Variants in NRXN2 observed in about 807,000 individuals in gnomAD.
The protein encoded by NRXN2 is neurexin 2.
A neutral mutation model predicts 128.8 loss-of-function variants in NRXN2; 29 were observed. That is an observed-to-expected ratio of 0.23 (90% confidence interval 0.17 to 0.31). The LOEUF is 0.31. Among genes scored for constraint, NRXN2 ranks in the 10% least tolerant of loss-of-function variants. The pLI is 1.00. For missense variants in NRXN2, 1,881 were observed against 2,452.6 expected, an observed-to-expected ratio of 0.77 and a Z score of 4.92; for synonymous variants, 1,098 against 1,075.2, an observed-to-expected ratio of 1.02 and a Z score of -0.41.
chr11:64,708,863 C>G (rs1158046786), intron 2 of NRXN2, among the ~76,000 whole-genome samples: 1 of 152,034 alleles, frequency 6.6e-6, no homozygotes, highest in Admixed American at 6.6e-5. Flanking sequence ...AAAATAATAA[C>G]TGGAAGGGGT....
intron 5 of NRXN2, among the ~76,000 whole-genome samples, chr11:64,690,178 T>C (rs777560140): frequency 7.9e-5 from 12 of 152,200 alleles, no homozygotes; most frequent in Non-Finnish European, 1.6e-4. Flanking sequence ...AAAGAAGTCA[T>C]CAGAACAACT....
chr11:64,688,608 T>A (rs1423274348), intron 5 of NRXN2: 1 of 985,404 alleles, frequency 1.0e-6, no homozygotes. Flanking sequence ...CTGGCGCGAC[T>A]GGGAACTACA....
At chr11:64,690,384 G>C (rs778741995) in intron 5 of NRXN2, 21 bp downstream of exon 5, 1 of 1,607,720 alleles carries the variant, frequency 6.2e-7, no homozygotes, top group Admixed American at 1.7e-5. Context: ...GGGCTCTCTG[G>C]GGACCATGGG....
intron 3 of NRXN2, among the ~76,000 whole-genome samples, chr11:64,697,568 G>T (rs962103933): frequency 5.9e-5 from 9 of 152,108 alleles, no homozygotes; most frequent in African/African-American, 1.9e-4. Context: ...GAAGAAGAAA[G>T]GCCAGTCAGC....
chr11:64,706,015 C>G (rs1213409310), intron 2 of NRXN2, among the ~76,000 whole-genome samples: 2 of 125,980 alleles, frequency 1.6e-5, no homozygotes, highest in Non-Finnish European at 3.2e-5. Flanking sequence ...CACTACATAA[C>G]TCTATAATCC....
At chr11:64,671,563 G>T (rs866283330) in intron 7 of NRXN2, among the ~76,000 whole-genome samples, 2 of 152,102 alleles carry the variant, frequency 1.3e-5, no homozygotes, top group African/African-American at 4.8e-5. Context: ...GGGGCCGTGC[G>T]ACACAGAACA....
chr11:64,651,204 CA>C lies in NRXN2; in HGVS notation c.2918+50del, dbSNP rs1372223085. ...GCCAGGAGAGCTGTATGTGGTTCAG[CA>C]GGGGGAGGGGGCCACCTCCTTGACA... On this transcript the variant is annotated intron_variant, in intron 14 of 22. Transcript: ENST00000265459. The surrounding 1 kb of genome is among the most constrained non-coding windows in gnomAD (Gnocchi z 5.9). 2.0e-5 allele frequency: 32 copies of C among 1,611,014 alleles called. No individual in the cohort carries two copies. In the Admixed American group the frequency reaches 5.3e-4, roughly 27 times the overall value.
At chr11:64,689,778 T>C (rs80169728) in intron 5 of NRXN2, among the ~76,000 whole-genome samples, 22 of 152,142 alleles carry the variant, frequency 1.4e-4, no homozygotes, top group African/African-American at 2.6e-4. Flanking sequence ...CACCAAGTCA[T>C]TGGGGAGAGG....
rs1222795002 is a variant in NRXN2, at chr11:64,622,306, CA to C, written c.4173+446del. ...GCCAGGTGACTGCATCCAGCCCTCC[CA>C]TGCTGTCACCCCTGCCCACAGCAGG... is the stretch of plus-strand genomic sequence containing the variant. On this transcript the variant is annotated intron_variant, in intron 21 of 22. Coordinates refer to ENST00000265459, the MANE Select transcript of NRXN2 (RefSeq NM_015080.4). The surrounding 1 kb of genome is among the most constrained non-coding windows in gnomAD (Gnocchi z 4.3). 1.3e-5 allele frequency among the ~76,000 whole-genome samples: 2 copies of C among 152,186 alleles called. No homozygotes were observed. Among genetic ancestry groups the C allele is most frequent in the African/African-American group, 4.8e-5 (2 of 41,434 alleles).
chr11:64,608,367 T>C (rs559529473), intron 22 of NRXN2, among the ~76,000 whole-genome samples: 16 of 152,072 alleles, frequency 1.1e-4, no homozygotes, highest in African/African-American at 3.6e-4. Flanking sequence ...GGAAAGGAAA[T>C]TGAAAAGAAA....
chr11:64,704,736 T>C (rs145988843), intron 2 of NRXN2, among the ~76,000 whole-genome samples: 8 of 150,226 alleles, frequency 5.3e-5, no homozygotes, highest in Non-Finnish European at 1.2e-4. Flanking sequence ...AAAGCTAATA[T>C]AAGAATTCAG....
At chr11:64,642,614 G>A in intron 17 of NRXN2, 3 of 1,610,388 alleles carry the variant, frequency 1.9e-6, no homozygotes, top group Non-Finnish European at 2.5e-6. Context: ...TGGAAGTGGT[G>A]GACGTGGTGG....
intron 2 of NRXN2, among the ~76,000 whole-genome samples, chr11:64,710,162 C>A (rs1408333993): frequency 6.6e-6 from 1 of 152,100 alleles, no homozygotes; most frequent in Non-Finnish European, 1.5e-5. Context: ...CCCGCTTCAG[C>A]CTCCCAAAGT....
intron 3 of NRXN2, among the ~76,000 whole-genome samples, chr11:64,693,574 A>G (rs1166534954): frequency 6.6e-6 from 1 of 152,168 alleles, no homozygotes; most frequent in African/African-American, 2.4e-5. Flanking sequence ...AGCATCCCCC[A>G]CTAAAGCGGG....
rs1057342732 is a variant in NRXN2 at position 64,720,817 on chromosome 11, G to A, written c.-245+2154C>T. ...GTCTGGGAGGGTGTGCCCACATGCT[G>A]TGTAGACCTGGGAGGGATGGGGTGT... is the stretch of plus-strand genomic sequence containing the variant. On this transcript the variant is annotated intron_variant, in intron 1 of 22. Transcript: ENST00000265459. Among the ~76,000 whole-genome samples the A allele has an allele frequency of 2.6e-5, 4 of 152,270 alleles. No homozygotes were observed. In the East Asian group the frequency reaches 7.7e-4, roughly 29 times the overall value.
chr11:64,712,790 A>C (rs1423210522), intron 2 of NRXN2, 180 bp downstream of exon 2: 39 of 535,180 alleles, frequency 7.3e-5, no homozygotes, highest in East Asian at 2.6e-4. Context: ...GCCCACCGCC[A>C]ACCCCACGCG....
chr11:64,652,874 A>C (rs1041960060), intron 12 of NRXN2, among the ~76,000 whole-genome samples: 2 of 152,036 alleles, frequency 1.3e-5, no homozygotes, highest in African/African-American at 4.8e-5. Context: ...AACAAAACAT[A>C]CTTATCTTTC....
chr11:64,621,053 G>C lies in NRXN2; in HGVS notation c.4174-681C>G, dbSNP rs534600117. ...GGAAATCAAAAGTCCAGGCAAGAAG[G>C]GAGCGCGAGAAACTGCGGGAAGGTG... On this transcript the variant is annotated intron_variant, in intron 21 of 22. Transcript: ENST00000265459. Among the ~76,000 whole-genome samples the C allele has an allele frequency of 3.9e-5, 6 of 152,216 alleles. No homozygotes were observed. In the South Asian group the frequency reaches 1.0e-3, roughly 26 times the overall value.
intron 2 of NRXN2, among the ~76,000 whole-genome samples, chr11:64,701,103 A>G (rs2055286667): frequency 6.6e-6 from 1 of 152,198 alleles, no homozygotes; most frequent in African/African-American, 2.4e-5. Flanking sequence ...TCCTTGGAAC[A>G]TTAATAAGCC....
Sources: gnomAD v4.1 joint callset for allele counts (sites outside exome capture counted in the v4.1 genomes callset) on GRCh38, gnomAD v4.1.1 for gene constraint, Gnocchi (gnomAD v3.1) non-coding constraint, MANE v1.5 for transcripts, NCBI Gene and HGNC (gene_info 2026-07-23, HGNC 2026-07-21) for gene names.